The following KIF16B variants were observed in gnomAD, a reference collection of about 807,000 sequenced individuals.
The protein encoded by KIF16B is kinesin family member 16B, also known as kinesin-like protein KIF16B.
Under a neutral mutation model 156.3 loss-of-function variants are expected in KIF16B, and 98 were observed. The observed-to-expected ratio is 0.63, with a 90% CI of 0.53 to 0.74. The LOEUF is 0.74. Among genes scored for constraint, KIF16B ranks in the 30% least tolerant of loss-of-function variants. The pLI is 0.00. For missense variants in KIF16B, 1,421 were observed against 1,606.5 expected, an observed-to-expected ratio of 0.88 and a Z score of 1.97; for synonymous variants, 564 against 583.7, an observed-to-expected ratio of 0.97 and a Z score of 0.49.
intron 24 of KIF16B, among the ~76,000 whole-genome samples, chr20:16,320,670 G>A (rs1340661105): frequency 6.6e-6 from 1 of 152,174 alleles, no homozygotes; most frequent in East Asian, 1.9e-4. Flanking sequence ...TAAGAACTCA[G>A]ATAAAACACA....
intron 24 of KIF16B, among the ~76,000 whole-genome samples, chr20:16,317,263 G>GACT (rs2063711450): frequency 6.6e-6 from 1 of 152,164 alleles, no homozygotes; most frequent in Admixed American, 6.5e-5. Context: ...TAGGTGGAGA[G>GACT]ACTCCTCTTG....
chr20:16,356,315 C>A lies in KIF16B; in HGVS notation c.3621+15G>T. On this transcript the variant is annotated intron_variant, in intron 23 of 25. Transcript: ENST00000354981. ...TCCAACCTCCATTCTCCAGAAGAGT[C>A]AAGAAGACACTCACCTTGACCTCAA... is the stretch of plus-strand genomic sequence containing the variant. 2 of 1,614,036 alleles carry A rather than the reference C, an allele frequency of 1.2e-6. No homozygotes were observed. Among genetic ancestry groups the A allele is most frequent in the Non-Finnish European group, 1.7e-6 (2 of 1,179,906 alleles).
intron 12 of KIF16B, among the ~76,000 whole-genome samples, chr20:16,478,263 C>A (rs1293223390): frequency 6.6e-6 from 1 of 152,050 alleles, no homozygotes; most frequent in African/African-American, 2.4e-5. Flanking sequence ...TAACGTGATA[C>A]AACTAGATAC....
intron 23 of KIF16B, among the ~76,000 whole-genome samples, chr20:16,336,709 T>C (rs572170722): frequency 2.9e-3 from 437 of 152,316 alleles, no homozygotes; most frequent in South Asian, 4.4e-3. Flanking sequence ...TCTGGTATTC[T>C]CCATTTCAAA....
intron 1 of KIF16B, among the ~76,000 whole-genome samples, chr20:16,567,698 A>G (rs6034534): frequency 3.3e-5 from 5 of 152,112 alleles, no homozygotes; most frequent in Non-Finnish European, 5.9e-5. Context: ...CGCCTGTAAT[A>G]CCAGCACTTG....
intron 25 of KIF16B, among the ~76,000 whole-genome samples, chr20:16,299,426 G>A (rs1359400845): frequency 6.6e-6 from 1 of 152,170 alleles, no homozygotes; most frequent in East Asian, 1.9e-4. Flanking sequence ...TTAATCCAAT[G>A]AGGCTTGGAA....
At chr20:16,532,994 T>C (rs1220830546) in intron 1 of KIF16B, among the ~76,000 whole-genome samples, 1 of 152,156 alleles carries the variant, frequency 6.6e-6, no homozygotes, top group Non-Finnish European at 1.5e-5. Flanking sequence ...GCGTTCCTAG[T>C]TCTAAATTAA....
chr20:16,396,546 G>A (rs1252989796), intron 17 of KIF16B, among the ~76,000 whole-genome samples: 2 of 151,370 alleles, frequency 1.3e-5, no homozygotes, highest in Non-Finnish European at 2.9e-5. Flanking sequence ...AAATGTGTGT[G>A]TACATCTACA....
intron 1 of KIF16B, among the ~76,000 whole-genome samples, chr20:16,548,298 C>T (rs755872801): frequency 2.6e-5 from 4 of 152,092 alleles, no homozygotes; most frequent in East Asian, 1.9e-4. Flanking sequence ...GCACATAGAA[C>T]GATAAAGCTG....
At chr20:16,410,036 C>CATATATATATATGTAGGTACAT (rs11471880) in intron 15 of KIF16B, among the ~76,000 whole-genome samples, 2 of 45,264 alleles carry the variant, frequency 4.4e-5, no homozygotes, top group Admixed American at 2.4e-4. Flanking sequence ...TATGTAGGTA[C>CATATATATATATGTAGGTACAT]ATATATATAT....
At chr20:16,510,788 C>T (rs1198757439) in intron 6 of KIF16B, among the ~76,000 whole-genome samples, 3 of 152,216 alleles carry the variant, frequency 2.0e-5, no homozygotes, top group Admixed American at 1.3e-4. Flanking sequence ...AAATGAAGAA[C>T]ATGAAAGCAC....
intron 25 of KIF16B, among the ~76,000 whole-genome samples, chr20:16,295,239 T>C (rs1188085392): frequency 6.6e-6 from 1 of 152,098 alleles, no homozygotes; most frequent in African/African-American, 2.4e-5. Flanking sequence ...GGTGTCTCCA[T>C]GGGGAGCAGG....
At chr20:16,512,195 T>C (rs958846960) in intron 5 of KIF16B, among the ~76,000 whole-genome samples, 1 of 152,070 alleles carries the variant, frequency 6.6e-6, no homozygotes, top group Non-Finnish European at 1.5e-5. Flanking sequence ...TGTACCATGC[T>C]AAGTACTAGA....
intron 25 of KIF16B, among the ~76,000 whole-genome samples, chr20:16,280,386 T>C (rs1043859592): frequency 6.6e-6 from 1 of 152,118 alleles, no homozygotes; most frequent in Non-Finnish European, 1.5e-5. Flanking sequence ...AGGGGTGGTG[T>C]CCAAGTTCAG....
At chr20:16,573,191 G>A (rs569602145) in intron 1 of KIF16B, 38 bp downstream of exon 1, 3 of 1,536,100 alleles carry the variant, frequency 2.0e-6, no homozygotes, top group Non-Finnish European at 1.8e-6. Flanking sequence ...CTGGGTGGGG[G>A]CGCGACGAGG....
chr20:16,284,224 G>A (rs1054784273), intron 25 of KIF16B, among the ~76,000 whole-genome samples: 11 of 152,168 alleles, frequency 7.2e-5, no homozygotes, highest in Admixed American at 6.6e-5. Context: ...TGTTTTGCAA[G>A]CCAATCTAAA....
intron 1 of KIF16B, among the ~76,000 whole-genome samples, chr20:16,539,308 T>G (rs973914556): frequency 2.6e-5 from 4 of 152,146 alleles, no homozygotes; most frequent in Non-Finnish European, 5.9e-5. Flanking sequence ...AAAATGCTGA[T>G]AGTGATACAA....
chr20:16,494,219 TAAAAA>T, intron 12 of KIF16B, 67 bp downstream of exon 12: 7 of 749,962 alleles, frequency 9.3e-6, no homozygotes, highest in African/African-American at 2.0e-5. Flanking sequence ...GTTTGGAGAT[TAAAAA>T]AAAAAAAAAA....
intron 22 of KIF16B, among the ~76,000 whole-genome samples, chr20:16,361,309 A>T (rs2064547872): frequency 6.6e-6 from 1 of 152,196 alleles, no homozygotes; most frequent in Non-Finnish European, 1.5e-5. Context: ...GACAATGAAG[A>T]TTTGTTATAG....
Sources: allele counts gnomAD v4.1 joint callset (sites outside exome capture counted in the v4.1 genomes callset), GRCh38; gene constraint gnomAD v4.1.1; transcripts MANE v1.5; gene names NCBI Gene and HGNC (gene_info 2026-07-23, HGNC 2026-07-21).